The following SYT16 variants were observed in gnomAD, a reference collection of about 807,000 sequenced individuals.
SYT16 encodes the protein synaptotagmin 16, also known as synaptotagmin-16.
SYT16 carries 42 observed loss-of-function variants against 61.4 expected under a neutral mutation model. The ratio of observed to expected loss-of-function variants is 0.68; its 90% CI spans 0.53 to 0.89. SYT16 has a LOEUF of 0.89. Ranked by LOEUF, SYT16 falls within the 40% of genes least tolerant of loss-of-function variation. The probability of loss-of-function intolerance (pLI) is 0.00; values close to 1 mark genes in which losing one functional copy is unlikely to be tolerated. For missense variants in SYT16, 804 were observed against 807.3 expected (o/e 1.00, Z 0.05); for synonymous variants, 314 against 302.3 (o/e 1.04, Z -0.40).
chr14:61,876,247 G>A (rs924524017), intron 1 of SYT16, among the ~76,000 whole-genome samples: 2 of 152,186 alleles, frequency 1.3e-5, no homozygotes, highest in Non-Finnish European at 2.9e-5. Flanking sequence ...CAAGAGTACC[G>A]ATACTTGTTT....
chr14:61,957,162 A>T (rs554133685), intron 1 of SYT16, among the ~76,000 whole-genome samples: 19 of 151,882 alleles, frequency 1.3e-4, no homozygotes, highest in African/African-American at 4.6e-4. Context: ...TAAATCCTGC[A>T]GCATTACTGA....
chr14:62,007,969 A>G (rs543658407), intron 3 of SYT16, among the ~76,000 whole-genome samples: 16 of 152,178 alleles, frequency 1.1e-4, no homozygotes, highest in African/African-American at 3.1e-4. Flanking sequence ...GAGGAGGGAT[A>G]TCTTTTTTTC....
At chr14:62,042,163 T>G (rs889666689) in intron 3 of SYT16, among the ~76,000 whole-genome samples, 1 of 152,132 alleles carries the variant, frequency 6.6e-6, no homozygotes, top group African/African-American at 2.4e-5. Flanking sequence ...CCCTAAAATT[T>G]TTTTTCTTTT....
At position 62,045,079 on chromosome 14, in the gene SYT16, A is replaced by G. The variant is rs570516347; in HGVS notation, c.524-24524A>G. On this transcript the variant is annotated intron_variant, in intron 3 of 7. Transcript: ENST00000683842. ...CTTGAACCTTGGAGGCAGAGGTTGC[A>G]GTGAGCCAAGATTGCGCCATTACAC... 2.2e-3 allele frequency among the ~76,000 whole-genome samples: 336 copies of G among 152,326 alleles called. 1 individual carries two copies. The highest frequency in any genetic ancestry group is 7.7e-3 in the African/African-American group (319 of 41,576).
intron 7 of SYT16, among the ~76,000 whole-genome samples, chr14:62,095,104 A>G (rs1314255977): frequency 6.6e-6 from 1 of 152,052 alleles, no homozygotes; most frequent in East Asian, 1.9e-4. Flanking sequence ...AGATCTTAGA[A>G]TGGTGGATAT....
At position 62,103,285 on chromosome 14, in the gene SYT16, T is replaced by C. The variant is rs1595421174; in HGVS notation, c.*2578T>C. The stretch of plus-strand genomic sequence containing the variant: ...CAAAAGAGTTATGAAAGATAATTAG[T>C]TGGTTCTGCAGTAAAAAACTGCTTT... On this transcript the variant is annotated 3_prime_UTR_variant, in exon 8 of 8. Transcript: ENST00000683842. 6.6e-6 allele frequency: 1 copy of C among 152,350 alleles called. No homozygotes were observed. Among genetic ancestry groups the C allele is most frequent in the East Asian group, 1.9e-4 (1 of 5,190 alleles). 9.4% of individuals were successfully genotyped at this position (152,350 alleles called of 1,614,324 possible).
At chr14:61,854,281 AATAAT>A (rs1451015720) in intron 1 of SYT16, among the ~76,000 whole-genome samples, 14 of 152,230 alleles carry the variant, frequency 9.2e-5, no homozygotes, top group African/African-American at 3.1e-4. Flanking sequence ...TTATCTTGTA[AATAAT>A]ATAATTTTGC....
intron 7 of SYT16, among the ~76,000 whole-genome samples, chr14:62,095,319 C>T (rs532126406): frequency 5.9e-5 from 9 of 151,612 alleles, no homozygotes; most frequent in Non-Finnish European, 1.0e-4. Flanking sequence ...AATAAATAAA[C>T]ATTTAAAGAT....
Position 61,812,741 on chromosome 14 carries a change from G to T in SYT16, c.-394G>T, listed in dbSNP as rs1358144709. ...CTGCCGAGGAGCGCGCGCCCGGCCGGGCTCGGCGCCGGTTTCCCGAACCTG... is the reference window on the plus strand; with the variant it reads ...CTGCCGAGGAGCGCGCGCCCGGCCGTGCTCGGCGCCGGTTTCCCGAACCTG... On this transcript the variant is annotated 5_prime_UTR_variant, in exon 1 of 8. Coordinates refer to ENST00000683842, the MANE Select transcript of SYT16 (RefSeq NM_001367656.1). The T allele has an allele frequency of 2.0e-5, 3 of 149,908 alleles. No individual in the cohort carries two copies. Among genetic ancestry groups the T allele is most frequent in the Non-Finnish European group, 4.5e-5 (3 of 67,408 alleles). The allele number at this position is 149,908 out of a possible 1,614,324, so 9.3% of individuals were successfully genotyped here.
chr14:61,846,987 G>A lies in SYT16; in HGVS notation c.-325+34177G>A, dbSNP rs566315621. Among the ~76,000 whole-genome samples, 14 of 152,146 alleles carry A rather than the reference G, an allele frequency of 9.2e-5. No individual in the cohort carries two copies. In the East Asian group the frequency reaches 2.5e-3, roughly 27 times the overall value. Reference sequence around the variant, plus strand: ...TCTTCCTGTTTTTAAACTTTTTGTTGCTTCTCTTTATATCTTACTGTACTG... The same window carrying A: ...TCTTCCTGTTTTTAAACTTTTTGTTACTTCTCTTTATATCTTACTGTACTG... On this transcript the variant is annotated intron_variant, in intron 1 of 7. Transcript: ENST00000683842.
At chr14:62,025,488 T>C (rs1262706449) in intron 3 of SYT16, among the ~76,000 whole-genome samples, 2 of 152,174 alleles carry the variant, frequency 1.3e-5, no homozygotes, top group African/African-American at 4.8e-5. Context: ...CTGTATACTT[T>C]AGAAAACAAT....
At chr14:62,060,787 TTGTAA>T (rs2140917315) in intron 3 of SYT16, among the ~76,000 whole-genome samples, 1 of 152,158 alleles carries the variant, frequency 6.6e-6, no homozygotes, top group South Asian at 2.1e-4. Context: ...TTTTCTATAC[TTGTAA>T]TGTCTTTGTT....
At chr14:62,059,942 A>G (rs770269778) in intron 3 of SYT16, among the ~76,000 whole-genome samples, 2 of 152,002 alleles carry the variant, frequency 1.3e-5, no homozygotes, top group African/African-American at 4.8e-5. Context: ...GTGTGGCACT[A>G]TTTCTGGACT....
chr14:62,030,745 AT>A (rs1462425198), intron 3 of SYT16, among the ~76,000 whole-genome samples: 4 of 152,230 alleles, frequency 2.6e-5, no homozygotes, highest in Non-Finnish European at 5.9e-5. Flanking sequence ...ATTATCATTG[AT>A]TGAATTCAAG....
chr14:62,030,544 A>G (rs79088879), intron 3 of SYT16, among the ~76,000 whole-genome samples: 109 of 152,350 alleles, frequency 7.2e-4, no homozygotes, highest in African/African-American at 2.5e-3. Flanking sequence ...TTTGTGCTAT[A>G]CATTTTGTTT....
chr14:62,000,912 C>G (rs991447723), intron 3 of SYT16, among the ~76,000 whole-genome samples: 5 of 151,916 alleles, frequency 3.3e-5, no homozygotes, highest in Admixed American at 6.6e-5. Context: ...CTGCTTTGCC[C>G]TAGACTATTG....
rs2052390418 is a variant in SYT16, at chr14:61,987,997, A to C, written c.-144-7879A>C. 2.6e-5 allele frequency among the ~76,000 whole-genome samples: 4 copies of C among 152,142 alleles called. No homozygotes were observed. The South Asian group carries it at 8.3e-4, about 32-fold the overall frequency. On this transcript the variant is annotated intron_variant, in intron 2 of 7. Transcript: ENST00000683842. ...TAATCTGCTGTATCTTATAGTCTGG[A>C]TGTAATTCCTATTGTGTCTGCATTT...
chr14:62,084,149 G>T (rs2056805550), intron 6 of SYT16, 47 bp from the exon 7 acceptor site: 10 of 1,578,326 alleles, frequency 6.3e-6, no homozygotes, highest in Non-Finnish European at 8.6e-6. Context: ...CTAAAAGAGA[G>T]TAGTGCAGCG....
At chr14:62,013,042 A>ACTATATAGTAGTTAT (rs1228306593) in intron 3 of SYT16, among the ~76,000 whole-genome samples, 1 of 152,188 alleles carries the variant, frequency 6.6e-6, no homozygotes, top group Non-Finnish European at 1.5e-5. Flanking sequence ...GACATCCTTA[A>ACTATATAGTAGTTAT]CTATATAGTA....
Sources: gnomAD v4.1 joint callset for allele counts (sites outside exome capture counted in the v4.1 genomes callset) on GRCh38, gnomAD v4.1.1 for gene constraint, MANE v1.5 for transcripts, NCBI Gene and HGNC (gene_info 2026-07-23, HGNC 2026-07-21) for gene names.